The following HIRA variants were observed in gnomAD, a reference collection of about 807,000 sequenced individuals.
The protein encoded by HIRA is histone cell cycle regulator, also known as protein HIRA.
HIRA carries 13 observed loss-of-function variants against 126.6 expected under a neutral mutation model. The ratio of observed to expected loss-of-function variants is 0.10; its 90% CI spans 0.07 to 0.16. The LOEUF (loss-of-function observed/expected upper bound fraction) is 0.16. Among genes scored for constraint, HIRA ranks in the 10% least tolerant of loss-of-function variants. The pLI is 1.00. For missense variants in HIRA, 834 were observed against 1,314.4 expected (o/e 0.63, Z 5.65); for synonymous variants, 511 against 520.0 (o/e 0.98, Z 0.24).
At chr22:19,333,043 G>A (rs28433371) in intron 24 of HIRA, among the ~76,000 whole-genome samples, 13,289 of 152,076 alleles carry the variant, frequency 0.087, 1,938 homozygotes, top group African/African-American at 0.3. Context: ...CGAGTAGCTG[G>A]GACTATAGGT....
chr22:19,381,748 T>C (rs1243081092), intron 13 of HIRA, among the ~76,000 whole-genome samples: 2 of 152,174 alleles, frequency 1.3e-5, no homozygotes, highest in Non-Finnish European at 2.9e-5. Context: ...TGTTTTATCC[T>C]TGTAAGATTT....
chr22:19,379,270 C>T (rs1233616168), intron 13 of HIRA, among the ~76,000 whole-genome samples: 2 of 151,386 alleles, frequency 1.3e-5, no homozygotes, highest in Admixed American at 1.3e-4. Flanking sequence ...CCTTGGCTTC[C>T]CAAAGTGCTG....
In HIRA at chr22:19,361,377, A is replaced by G. The variant is rs764705237; in HGVS notation, c.1981-36T>C. 12 of 1,564,060 alleles carry G rather than the reference A, an allele frequency of 7.7e-6. No homozygotes were observed. The Admixed American group carries it at 1.8e-4, about 24-fold the overall frequency. Reference sequence around the variant, plus strand: ...CAGAAACGTTCCTGAGCCTTGCTCTAACACTACGGGGTAGCATTTGGTAAA... The same window carrying G: ...CAGAAACGTTCCTGAGCCTTGCTCTGACACTACGGGGTAGCATTTGGTAAA... On this transcript the variant is annotated intron_variant, in intron 16 of 24. Coordinates refer to ENST00000263208, the MANE Select transcript of HIRA (RefSeq NM_003325.4).
intron 5 of HIRA, 117 bp from the exon 6 acceptor site, chr22:19,398,204 C>T: frequency 1.4e-6 from 1 of 715,550 alleles, no homozygotes; most frequent in Non-Finnish European, 2.3e-6. Flanking sequence ...ATTTTTTAAC[C>T]AACCTGAAAA....
chr22:19,384,208 C>T (rs931529713), intron 12 of HIRA, among the ~76,000 whole-genome samples: 3 of 151,216 alleles, frequency 2.0e-5, no homozygotes, highest in Non-Finnish European at 4.4e-5. Context: ...ATCCCAGCTA[C>T]TCAGGAGGCT....
intron 24 of HIRA, among the ~76,000 whole-genome samples, chr22:19,342,293 T>TA (rs1482355773): frequency 1.1e-4 from 17 of 151,718 alleles, no homozygotes; most frequent in East Asian, 5.8e-4. Context: ...AATTAAAAAA[T>TA]AAAAAAAATA....
intron 8 of HIRA, among the ~76,000 whole-genome samples, chr22:19,392,643 A>G (rs2089192223): frequency 6.6e-6 from 1 of 152,204 alleles, no homozygotes; most frequent in Admixed American, 6.5e-5. Context: ...AGGGAGGCCA[A>G]GGGGATGGGC....
chr22:19,332,321 T>G (rs2088499448), intron 24 of HIRA, among the ~76,000 whole-genome samples: 1 of 152,024 alleles, frequency 6.6e-6, no homozygotes, highest in Admixed American at 6.6e-5. Context: ...AACTATTAGG[T>G]TTGAGTAACA....
At chr22:19,388,868 G>A (rs763644948) in intron 9 of HIRA, among the ~76,000 whole-genome samples, 2 of 152,218 alleles carry the variant, frequency 1.3e-5, no homozygotes, top group Non-Finnish European at 2.9e-5. Context: ...GGCTATGGTC[G>A]GAGGAGAGGG....
At position 19,385,674 on chromosome 22, in the gene HIRA, G is replaced by A. The variant is rs1174213404; in HGVS notation, c.1176C>T (p.Ser392=). ...TCTCAGGGTTCTCAATGACGGCTGTGGAGAGCTGGGCCTCGGTCATGATGG... is the reference window on the plus strand; with the variant it reads ...TCTCAGGGTTCTCAATGACGGCTGTAGAGAGCTGGGCCTCGGTCATGATGG... ...SLAIMTEAQL[S]TAVIENPEML... is the part of the protein sequence containing the mutation. The change falls in exon 12 of 25, where the codon TCC becomes TCT. Residue 392 remains serine (S), a synonymous_variant. Transcript: ENST00000263208. 1.9e-6 allele frequency: 3 copies of A among 1,614,074 alleles called. No individual in the cohort carries two copies. The highest frequency in any genetic ancestry group is 2.2e-5 in the East Asian group (1 of 44,900).
chr22:19,392,242 T>G, intron 8 of HIRA, 28 bp from the exon 9 acceptor site: 1 of 1,434,740 alleles, frequency 7.0e-7, no homozygotes, highest in Non-Finnish European at 9.8e-7. Context: ...ATGTTAAAAA[T>G]AATTAATCAA....
chr22:19,397,081 C>G (rs143924115), intron 6 of HIRA, 134 bp from the exon 7 acceptor site: 1 of 724,488 alleles, frequency 1.4e-6, no homozygotes, highest in Admixed American at 2.7e-5. Flanking sequence ...CAGACAGAAG[C>G]AGAAGGGCCT....
chr22:19,431,221 G>A (rs912249704), intron 1 of HIRA, among the ~76,000 whole-genome samples: 2 of 152,216 alleles, frequency 1.3e-5, no homozygotes, highest in East Asian at 1.9e-4. Context: ...AAGAGCCAGG[G>A]GCGAAGATGG....
intron 13 of HIRA, among the ~76,000 whole-genome samples, chr22:19,379,774 A>G (rs1292723957): frequency 6.7e-6 from 1 of 149,124 alleles, no homozygotes; most frequent in Non-Finnish European, 1.5e-5. Context: ...CTTATATGGT[A>G]GGAAATATTT....
rs765550686 is a variant in HIRA at position 19,387,696 on chromosome 22, G to C, written c.1113+15C>G. 2.5e-6 allele frequency: 4 copies of C among 1,606,668 alleles called. No individual in the cohort carries two copies. The highest frequency in any genetic ancestry group is 2.2e-5 in the South Asian group (2 of 90,502). On this transcript the variant is annotated intron_variant, in intron 11 of 24. Coordinates refer to ENST00000263208, the MANE Select transcript of HIRA (RefSeq NM_003325.4). ...GGCCACAGAGCACCCAGCAGCACAA[G>C]AGCCGTCAGCCTACCTTCTCCTCCT...
chr22:19,343,502 G>C (rs2088653478), intron 24 of HIRA, among the ~76,000 whole-genome samples: 1 of 152,194 alleles, frequency 6.6e-6, no homozygotes, highest in African/African-American at 2.4e-5. Flanking sequence ...GGTGGAGGTT[G>C]AAGTAAGTCG....
intron 15 of HIRA, among the ~76,000 whole-genome samples, chr22:19,372,531 T>C (rs1218634007): frequency 6.6e-6 from 1 of 152,162 alleles, no homozygotes; most frequent in Non-Finnish European, 1.5e-5. Context: ...GTAGGTTGTC[T>C]TTCAATTCTG....
At position 19,429,133 on chromosome 22, in the gene HIRA, CTT is replaced by C. The variant is rs57853722; in HGVS notation, c.37+2305_37+2306del. ...TCCCATCCTGCCAGAGTTGCCATATCTTTTTTTTTTTTTTTTTTTTTTTTTGA... is the reference window on the plus strand; with the variant it reads ...TCCCATCCTGCCAGAGTTGCCATATCTTTTTTTTTTTTTTTTTTTTTTTGA... On this transcript the variant is annotated intron_variant, in intron 1 of 24. Coordinates refer to ENST00000263208, the MANE Select transcript of HIRA (RefSeq NM_003325.4). 2.6e-3 allele frequency among the ~76,000 whole-genome samples: 198 copies of C among 77,276 alleles called. 3 individuals carry two copies. In the East Asian group the frequency reaches 0.06, roughly 23 times the overall value. The allele number at this position is 77,276 out of a possible 152,430, so 50.7% of individuals were successfully genotyped here.
chr22:19,352,266 G>A (rs1033552472), intron 23 of HIRA, among the ~76,000 whole-genome samples: 17 of 152,042 alleles, frequency 1.1e-4, no homozygotes, highest in African/African-American at 3.9e-4. Context: ...GAGAGGAGGT[G>A]GGGACTTGAT....
Sources: allele counts gnomAD v4.1 joint callset (sites outside exome capture counted in the v4.1 genomes callset), GRCh38; gene constraint gnomAD v4.1.1; transcripts MANE v1.5; gene names NCBI Gene and HGNC (gene_info 2026-07-23, HGNC 2026-07-21).